ZNF385D: variants seen among roughly 807,000 people sequenced by gnomAD.
The protein encoded by ZNF385D is zinc finger protein 659.
ZNF385D carries 15 observed loss-of-function variants against 35.8 expected under a neutral mutation model. The observed-to-expected ratio is 0.42, with a 90% CI of 0.28 to 0.64. The LOEUF (loss-of-function observed/expected upper bound fraction) is 0.64. Among genes scored for constraint, ZNF385D ranks in the 30% least tolerant of loss-of-function variants. The probability of loss-of-function intolerance (pLI) is 0.23; values close to 1 mark genes in which losing one functional copy is unlikely to be tolerated. For missense variants in ZNF385D, 474 were observed against 494.6 expected, an observed-to-expected ratio of 0.96 and a Z score of 0.39; for synonymous variants, 212 against 186.8, an observed-to-expected ratio of 1.13 and a Z score of -1.10.
At chr3:22,076,385 G>T (rs937502787) in intron 3 of ZNF385D, among the ~76,000 whole-genome samples, 5 of 151,682 alleles carry the variant, frequency 3.3e-5, no homozygotes, top group Non-Finnish European at 7.4e-5. Context: ...ATTTCCCATG[G>T]CCCATTAGCT....
At chr3:21,773,870 A>G (rs972689181) in intron 3 of ZNF385D, among the ~76,000 whole-genome samples, 6 of 152,024 alleles carry the variant, frequency 3.9e-5, no homozygotes, top group African/African-American at 1.4e-4. Flanking sequence ...GCAATTCCTC[A>G]AAGACCTAGA....
Position 22,286,694 on chromosome 3 carries a change from T to C in ZNF385D, c.106+85756A>G, listed in dbSNP as rs561043510. 2.2e-4 allele frequency among the ~76,000 whole-genome samples: 34 copies of C among 152,286 alleles called. 2 individuals carry two copies. The South Asian group carries it at 6.6e-3, about 30-fold the overall frequency. ...GTTTCATTTCCATATACTTGTAAGC[T>C]TTCCATGATTCCTCCTCTTACTGAT... is the stretch of plus-strand genomic sequence containing the variant. On this transcript the variant is annotated intron_variant, in intron 2 of 5. Coordinates refer to the ZNF385D transcript ENST00000494108.
intron 3 of ZNF385D, among the ~76,000 whole-genome samples, chr3:22,125,295 G>A (rs968207442): frequency 2.6e-5 from 4 of 151,920 alleles, no homozygotes; most frequent in African/African-American, 9.7e-5. Flanking sequence ...TAAGTCAGTG[G>A]CATGCTGTTT....
chr3:22,321,165 T>G (rs1419365304), intron 2 of ZNF385D, among the ~76,000 whole-genome samples: 1 of 37,600 alleles, frequency 2.7e-5, no homozygotes, highest in Admixed American at 1.8e-4. Flanking sequence ...TATGACCTTG[T>G]TTTTTTTTTT....
chr3:22,088,995 G>A (rs960097954), intron 3 of ZNF385D, among the ~76,000 whole-genome samples: 12 of 152,122 alleles, frequency 7.9e-5, no homozygotes, highest in Admixed American at 1.3e-4. Context: ...ATTGTAAATT[G>A]TAACATTTAC....
At chr3:21,844,727 T>C (rs968285591) in intron 3 of ZNF385D, among the ~76,000 whole-genome samples, 3 of 151,952 alleles carry the variant, frequency 2.0e-5, no homozygotes, top group Non-Finnish European at 2.9e-5. Context: ...ATCAGCAAAA[T>C]TGCACTGTCA....
intron 2 of ZNF385D, among the ~76,000 whole-genome samples, chr3:21,635,535 TG>T (rs1456306161): frequency 3.3e-4 from 39 of 116,986 alleles, no homozygotes; most frequent in African/African-American, 1.1e-3. Context: ...AGTCACTGTT[TG>T]TTGTTGTTGT....
At chr3:21,601,753 C>T (rs1312789490) in intron 2 of ZNF385D, among the ~76,000 whole-genome samples, 1 of 152,102 alleles carries the variant, frequency 6.6e-6, no homozygotes, top group African/African-American at 2.4e-5. Flanking sequence ...ACATCGTCAC[C>T]CTTTGAGATG....
chr3:22,169,244 A>G (rs1002668772), intron 2 of ZNF385D, among the ~76,000 whole-genome samples: 1 of 152,196 alleles, frequency 6.6e-6, no homozygotes, highest in Non-Finnish European at 1.5e-5. Flanking sequence ...CTTTTTATCT[A>G]TTCCCAATAC....
chr3:21,562,585 A>G (rs979868534), intron 3 of ZNF385D, among the ~76,000 whole-genome samples: 1 of 152,206 alleles, frequency 6.6e-6, no homozygotes, highest in Non-Finnish European at 1.5e-5. Flanking sequence ...CAGTGAAATC[A>G]TAGGCAGGAG....
chr3:21,855,349 G>A (rs1696650361), intron 3 of ZNF385D, among the ~76,000 whole-genome samples: 1 of 151,984 alleles, frequency 6.6e-6, no homozygotes, highest in Admixed American at 6.6e-5. Context: ...ATTAATCATT[G>A]TGTGGTGTGT....
intron 3 of ZNF385D, among the ~76,000 whole-genome samples, chr3:21,918,101 T>A (rs1417717506): frequency 6.6e-6 from 1 of 152,178 alleles, no homozygotes; most frequent in Non-Finnish European, 1.5e-5. Context: ...TCAATGTGTT[T>A]TAATAAGCTG....
intron 2 of ZNF385D, among the ~76,000 whole-genome samples, chr3:21,614,579 A>C (rs576529450): frequency 6.6e-6 from 1 of 152,154 alleles, no homozygotes; most frequent in South Asian, 2.1e-4. Context: ...CCAGCCCTGA[A>C]GTACAGATTT....
intron 3 of ZNF385D, among the ~76,000 whole-genome samples, chr3:21,943,510 T>C: frequency 6.6e-6 from 1 of 151,882 alleles, no homozygotes; most frequent in South Asian, 2.1e-4. Context: ...GTATATTTCA[T>C]CAATATTTTA....
chr3:22,326,937 C>A (rs570360693), intron 2 of ZNF385D, among the ~76,000 whole-genome samples: 6 of 152,278 alleles, frequency 3.9e-5, no homozygotes, highest in Admixed American at 3.9e-4. Context: ...TAGGAAATCA[C>A]CTCATCTTTA....
intron 3 of ZNF385D, among the ~76,000 whole-genome samples, chr3:21,790,669 G>T (rs2071890838): frequency 6.6e-6 from 1 of 152,090 alleles, no homozygotes; most frequent in Non-Finnish European, 1.5e-5. Context: ...CAGCATATGG[G>T]AAATTTTCTC....
rs140689017 is a variant in ZNF385D at position 21,977,073 on chromosome 3, G to A, written c.325+191744C>T. ...CATGGTATTGTACAAAACAAACCAG[G>A]TACAAAAGAGTACGTGTTGCATGAT... On this transcript the variant is annotated intron_variant, in intron 3 of 5. Coordinates refer to the ZNF385D transcript ENST00000494108. 2.6e-3 allele frequency among the ~76,000 whole-genome samples: 398 copies of A among 152,190 alleles called. 3 individuals carry two copies. The highest frequency in any genetic ancestry group is 9.2e-3 in the African/African-American group (382 of 41,536).
chr3:21,434,370 A>G (rs1701447992), intron 5 of ZNF385D, among the ~76,000 whole-genome samples: 1 of 152,196 alleles, frequency 6.6e-6, no homozygotes, highest in South Asian at 2.1e-4. Context: ...CACAATGATC[A>G]TATGATGAAT....
Position 21,480,033 on chromosome 3 carries a change from T to G in ZNF385D, c.439+30828A>C, listed in dbSNP as rs551385198. 7.9e-5 allele frequency among the ~76,000 whole-genome samples: 12 copies of G among 152,120 alleles called. No individual in the cohort carries two copies. In the South Asian group the frequency reaches 2.5e-3, roughly 32 times the overall value. ...GTATCATTTCCCCATATTAAAACAG[T>G]CATATACAGAGATGGTGGCATATAA... is the stretch of plus-strand genomic sequence containing the variant. On this transcript the variant is annotated intron_variant, in intron 4 of 7. Transcript: ENST00000281523.
Sources: gnomAD v4.1 joint callset for allele counts (sites outside exome capture counted in the v4.1 genomes callset) on GRCh38, gnomAD v4.1.1 for gene constraint, MANE v1.5 for transcripts, NCBI Gene and HGNC (gene_info 2026-07-23, HGNC 2026-07-21) for gene names.